Variants in GRM1 observed in about 807,000 individuals in gnomAD.
GRM1 encodes metabotropic glutamate receptor 1.
In GRM1, 33 loss-of-function variants were observed where a neutral mutation model predicts 90.9. The observed-to-expected ratio is 0.36, with a 90% confidence interval of 0.28 to 0.49. The LOEUF is 0.49. Ranked by LOEUF, GRM1 falls within the 20% of genes least tolerant of loss-of-function variation. The pLI is 0.99. For missense variants in GRM1, 1,190 were observed against 1,534.3 expected (o/e 0.78, Z 3.75); for synonymous variants, 700 against 613.2 (o/e 1.14, Z -2.09).
intron 1 of GRM1, among the ~76,000 whole-genome samples, chr6:146,084,739 G>A (rs1460134892): frequency 6.6e-6 from 1 of 152,148 alleles, no homozygotes; most frequent in Non-Finnish European, 1.5e-5. Flanking sequence ...GAGTTATGTA[G>A]ATGTCTATTA....
chr6:146,233,950 A>T (rs976330210), intron 2 of GRM1, among the ~76,000 whole-genome samples: 4 of 152,060 alleles, frequency 2.6e-5, no homozygotes, highest in African/African-American at 9.6e-5. Context: ...AATTTTAAAA[A>T]GTTTTTGCTT....
At chr6:146,178,455 G>A (rs1778416044) in intron 2 of GRM1, among the ~76,000 whole-genome samples, 1 of 152,102 alleles carries the variant, frequency 6.6e-6, no homozygotes, top group Non-Finnish European at 1.5e-5. Flanking sequence ...TCTTGGGGAT[G>A]GGACCCAAGT....
At chr6:146,174,471 C>G (rs774891668) in intron 2 of GRM1, among the ~76,000 whole-genome samples, 1 of 152,132 alleles carries the variant, frequency 6.6e-6, no homozygotes, top group Non-Finnish European at 1.5e-5. Flanking sequence ...GCTGGAATTG[C>G]AAAAATTGTG....
intron 6 of GRM1, among the ~76,000 whole-genome samples, chr6:146,395,223 C>T (rs1177063581): frequency 6.6e-6 from 1 of 152,044 alleles, no homozygotes. Flanking sequence ...ACATATTAGA[C>T]ATTTTCTAAA....
At chr6:146,345,560 G>C (rs1785155699) in intron 3 of GRM1, among the ~76,000 whole-genome samples, 2 of 152,146 alleles carry the variant, frequency 1.3e-5, no homozygotes, top group South Asian at 2.1e-4. Context: ...AATCACTGCA[G>C]CATGAAAATA....
rs532960283 is a variant in GRM1, at chr6:146,307,571, TA to T, written c.1186+2726del. On this transcript the variant is annotated intron_variant, in intron 3 of 7. Coordinates refer to ENST00000282753, the MANE Select transcript of GRM1 (RefSeq NM_001278064.2). ...AAACTTTCACTTCATGTATTATTCTTATCCATTTGAGATCCTTGAATATCAA... is the reference window on the plus strand; with the variant it reads ...AAACTTTCACTTCATGTATTATTCTTTCCATTTGAGATCCTTGAATATCAA... 2.2e-3 allele frequency among the ~76,000 whole-genome samples: 331 copies of T among 152,322 alleles called. 2 individuals carry two copies. The highest frequency in any genetic ancestry group is 0.015 in the South Asian group (70 of 4,822).
In GRM1 at chr6:146,314,098, G is replaced by T. The variant is rs565518669; in HGVS notation, c.1186+9252G>T. 1.3e-4 allele frequency among the ~76,000 whole-genome samples: 11 copies of T among 86,756 alleles called. No homozygotes were observed. The East Asian group carries it at 2.1e-3, about 17-fold the overall frequency. The allele number at this position is 86,756 out of a possible 152,430, so 56.9% of individuals were successfully genotyped here. A position where few individuals can be genotyped will look rare whatever the true frequency, so the allele number is the denominator to read the frequency against. On this transcript the variant is annotated intron_variant, in intron 3 of 7. Coordinates refer to ENST00000282753, the MANE Select transcript of GRM1 (RefSeq NM_001278064.2). Reference sequence around the variant, plus strand: ...TTTTTTTTTTTGGAGACAGAGTCTTGCTCTGTTGCCCAGGCTGGAATGCAA... The same window carrying T: ...TTTTTTTTTTTGGAGACAGAGTCTTTCTCTGTTGCCCAGGCTGGAATGCAA...
At chr6:146,403,149 A>C (rs552516978) in intron 7 of GRM1, among the ~76,000 whole-genome samples, 6 of 152,344 alleles carry the variant, frequency 3.9e-5, no homozygotes, top group Admixed American at 3.9e-4. Flanking sequence ...AATTAATTAG[A>C]TCCAAGTAAT....
intron 3 of GRM1, among the ~76,000 whole-genome samples, chr6:146,342,894 G>A (rs7760995): frequency 0.012 from 1,853 of 152,172 alleles, 39 homozygotes; most frequent in East Asian, 0.04. Flanking sequence ...ATATTGCTAC[G>A]TAACATTTGT....
At chr6:146,349,896 A>C (rs1171275722) in intron 3 of GRM1, among the ~76,000 whole-genome samples, 1 of 152,210 alleles carries the variant, frequency 6.6e-6, no homozygotes, top group Non-Finnish European at 1.5e-5. Context: ...ACATATTTTT[A>C]TGTTAATCTT....
chr6:146,315,396 A>G (rs1783932021), intron 3 of GRM1, among the ~76,000 whole-genome samples: 1 of 152,194 alleles, frequency 6.6e-6, no homozygotes, highest in African/African-American at 2.4e-5. Flanking sequence ...CTTAAAAATA[A>G]AAGTAAAAAA....
At chr6:146,387,920 A>G (rs1186887861) in intron 6 of GRM1, among the ~76,000 whole-genome samples, 1 of 152,064 alleles carries the variant, frequency 6.6e-6, no homozygotes, top group Non-Finnish European at 1.5e-5. Flanking sequence ...TATTGATGCA[A>G]GTGAGTTACT....
intron 1 of GRM1, among the ~76,000 whole-genome samples, chr6:146,152,580 C>T (rs143123260): frequency 6.6e-6 from 1 of 152,028 alleles, no homozygotes; most frequent in Non-Finnish European, 1.5e-5. Flanking sequence ...AGTTACTTAA[C>T]TTCTTTGAGC....
intron 7 of GRM1, among the ~76,000 whole-genome samples, chr6:146,411,315 T>A (rs1777558965): frequency 6.6e-6 from 1 of 151,964 alleles, no homozygotes; most frequent in African/African-American, 2.4e-5. Flanking sequence ...AGTCAGGGAA[T>A]CTGGATGTAA....
chr6:146,195,627 C>T (rs192254732), intron 2 of GRM1, among the ~76,000 whole-genome samples: 1 of 152,322 alleles, frequency 6.6e-6, no homozygotes, highest in Admixed American at 6.5e-5. Flanking sequence ...CAGATGCAAA[C>T]TAAATTCTCT....
intron 2 of GRM1, among the ~76,000 whole-genome samples, chr6:146,216,885 G>C (rs1404659520): frequency 6.6e-6 from 1 of 152,174 alleles, no homozygotes; most frequent in East Asian, 1.9e-4. Context: ...CAATCAAGGA[G>C]CCCAACTTGG....
intron 1 of GRM1, among the ~76,000 whole-genome samples, chr6:146,147,581 A>G (rs1409822897): frequency 6.6e-6 from 1 of 152,200 alleles, no homozygotes; most frequent in Non-Finnish European, 1.5e-5. Flanking sequence ...ATACCAAGAC[A>G]CAGAAGCTGA....
At chr6:146,407,235 C>T (rs1011717412) in intron 7 of GRM1, among the ~76,000 whole-genome samples, 1 of 152,130 alleles carries the variant, frequency 6.6e-6, no homozygotes. Flanking sequence ...AAGGAAGGGG[C>T]GAATGGCCCC....
At chr6:146,211,773 A>G (rs560958570) in intron 2 of GRM1, among the ~76,000 whole-genome samples, 12 of 152,246 alleles carry the variant, frequency 7.9e-5, no homozygotes, top group Non-Finnish European at 1.8e-4. Flanking sequence ...AATGTTAATT[A>G]TACAGTTCTT....
Sources: allele counts gnomAD v4.1 joint callset (sites outside exome capture counted in the v4.1 genomes callset), GRCh38; gene constraint gnomAD v4.1.1; transcripts MANE v1.5; gene names NCBI Gene and HGNC (gene_info 2026-07-23, HGNC 2026-07-21).